CHRDL1: variants seen among roughly 807,000 people sequenced by gnomAD.
CHRDL1 encodes the protein chordin like 1, also known as chordin-like protein 1.
A neutral mutation model predicts 40.9 loss-of-function variants in CHRDL1; 19 were observed. The observed-to-expected ratio is 0.46, with a 90% CI of 0.32 to 0.68. CHRDL1 has a LOEUF of 0.68. Ranked by LOEUF, CHRDL1 falls within the 30% of genes least tolerant of loss-of-function variation. The pLI is 0.03. For synonymous variants in CHRDL1, 136 were observed against 123.4 expected, an observed-to-expected ratio of 1.10 and a Z score of -0.68; for missense variants, 329 against 352.1, an observed-to-expected ratio of 0.93 and a Z score of 0.53.
intron 7 of CHRDL1, among the ~76,000 whole-genome samples, chrX:110,695,933 A>G (rs149599477): frequency 1.8e-5 from 2 of 112,261 alleles, no homozygotes; most frequent in Non-Finnish European, 3.8e-5. Flanking sequence ...ACAAATAAAA[A>G]TTTGCATCAG....
intron 11 of CHRDL1, among the ~76,000 whole-genome samples, chrX:110,677,488 C>T (rs187415460): frequency 2.3e-3 from 252 of 111,538 alleles, no homozygotes; most frequent in African/African-American, 7.5e-3. Flanking sequence ...TTATATACCC[C>T]AAATCCTGCC....
intron 6 of CHRDL1, among the ~76,000 whole-genome samples, chrX:110,705,539 T>C (rs1482957984): frequency 9.7e-6 from 1 of 103,522 alleles, no homozygotes; most frequent in East Asian, 3.0e-4. Context: ...CTGTATGTTA[T>C]ATATATCATA....
Position 110,775,553 on chromosome X carries a change from T to C in CHRDL1, c.95-12746A>G, listed in dbSNP as rs749069409. ...TTTATATGTATCTCATAACATCATG[T>C]TGTATACCTTAAATGTACACAATAG... is the stretch of plus-strand genomic sequence containing the variant. On this transcript the variant is annotated intron_variant, in intron 2 of 11. Coordinates refer to ENST00000372042, the MANE Select transcript of CHRDL1 (RefSeq NM_001143981.2). 4.5e-5 allele frequency among the ~76,000 whole-genome samples: 5 copies of C among 111,686 alleles called. No individual in the cohort carries two copies. In the South Asian group the frequency reaches 1.9e-3, roughly 42 times the overall value.
At chrX:110,703,319 G>A (rs747220548) in intron 6 of CHRDL1, among the ~76,000 whole-genome samples, 6 of 111,746 alleles carry the variant, frequency 5.4e-5, no homozygotes, top group Non-Finnish European at 9.4e-5. Flanking sequence ...GAATTGAACT[G>A]CAGTAAAACA....
chrX:110,707,741 C>T (rs895793584), intron 6 of CHRDL1, among the ~76,000 whole-genome samples: 3 of 111,881 alleles, frequency 2.7e-5, no homozygotes, highest in African/African-American at 9.8e-5. Context: ...TGGGCAAAGA[C>T]TCCATGACTA....
At chrX:110,710,483 T>C (rs1450181657) in intron 6 of CHRDL1, among the ~76,000 whole-genome samples, 7 of 112,446 alleles carry the variant, frequency 6.2e-5, no homozygotes, top group Non-Finnish European at 1.3e-4. Flanking sequence ...TTACTGACCC[T>C]GACAGGACAA....
At chrX:110,692,799 C>A (rs1204932307) in intron 8 of CHRDL1, among the ~76,000 whole-genome samples, 1 of 111,842 alleles carries the variant, frequency 8.9e-6, no homozygotes, top group East Asian at 2.8e-4. Context: ...ATTTCAAAAG[C>A]AATTTAATTT....
chrX:110,787,356 T>C (rs1408630758), intron 2 of CHRDL1, among the ~76,000 whole-genome samples: 1 of 111,795 alleles, frequency 8.9e-6, no homozygotes, highest in East Asian at 2.8e-4. Flanking sequence ...GGATCTAGGC[T>C]AACTACAGAG....
intron 4 of CHRDL1, among the ~76,000 whole-genome samples, chrX:110,731,493 T>C (rs758112190): frequency 3.6e-5 from 4 of 111,505 alleles, no homozygotes; most frequent in East Asian, 5.7e-4. Context: ...CTCCCAGGTA[T>C]ATACACAAAA....
At chrX:110,791,081 G>C (rs925382115) in intron 2 of CHRDL1, among the ~76,000 whole-genome samples, 8 of 110,417 alleles carry the variant, frequency 7.2e-5, no homozygotes. Context: ...CCTTCTGCCT[G>C]ATCTATTTAA....
chrX:110,722,787 A>G (rs1468181554), intron 4 of CHRDL1, among the ~76,000 whole-genome samples: 1 of 111,795 alleles, frequency 8.9e-6, no homozygotes, highest in African/African-American at 3.3e-5. Context: ...CAGAGCTTGG[A>G]AAGTGCCTGC....
chrX:110,755,521 G>A (rs1033114495), intron 4 of CHRDL1, among the ~76,000 whole-genome samples: 7 of 111,472 alleles, frequency 6.3e-5, no homozygotes, highest in Non-Finnish European at 1.3e-4. Context: ...CTCCTTCAAT[G>A]GAAACTAAGC....
intron 2 of CHRDL1, among the ~76,000 whole-genome samples, chrX:110,777,449 T>C (rs1228657440): frequency 8.9e-6 from 1 of 111,891 alleles, no homozygotes; most frequent in Non-Finnish European, 1.9e-5. Context: ...GGCTGTACCA[T>C]TTTGCATTCT....
intron 4 of CHRDL1, among the ~76,000 whole-genome samples, chrX:110,755,639 T>TATA (rs2089440465): frequency 8.9e-6 from 1 of 112,055 alleles, no homozygotes; most frequent in East Asian, 2.8e-4. Context: ...GTATCTGGGG[T>TATA]ATACAGTTTG....
At chrX:110,747,809 A>G (rs2089286223) in intron 4 of CHRDL1, among the ~76,000 whole-genome samples, 1 of 111,982 alleles carries the variant, frequency 8.9e-6, no homozygotes, top group Non-Finnish European at 1.9e-5. Flanking sequence ...TTCACTTTCC[A>G]TTGTAGTTTT....
intron 4 of CHRDL1, among the ~76,000 whole-genome samples, chrX:110,722,005 T>G (rs1439586245): frequency 8.9e-6 from 1 of 111,858 alleles, no homozygotes; most frequent in Admixed American, 9.4e-5. Flanking sequence ...CCCTCCCACA[T>G]TTATTTATTT....
At chrX:110,705,660 A>T (rs979862855) in intron 6 of CHRDL1, among the ~76,000 whole-genome samples, 7 of 106,442 alleles carry the variant, frequency 6.6e-5, no homozygotes, top group Non-Finnish European at 1.4e-4. Flanking sequence ...TGGATTAGAG[A>T]TGCTCAACTG....
chrX:110,769,394 T>C (rs1041421579), intron 2 of CHRDL1, among the ~76,000 whole-genome samples: 14 of 112,424 alleles, frequency 1.2e-4, no homozygotes, highest in African/African-American at 4.5e-4. Context: ...AGAGAAGATA[T>C]TGTGAACAAA....
At chrX:110,784,542 G>C (rs910785030) in intron 2 of CHRDL1, among the ~76,000 whole-genome samples, 4 of 109,037 alleles carry the variant, frequency 3.7e-5, no homozygotes, top group Non-Finnish European at 7.6e-5. Flanking sequence ...CTCCCGAGTA[G>C]CTGAGATTAC....
Sources: gnomAD v4.1 joint callset for allele counts (sites outside exome capture counted in the v4.1 genomes callset) on GRCh38, gnomAD v4.1.1 for gene constraint, MANE v1.5 for transcripts, NCBI Gene and HGNC (gene_info 2026-07-23, HGNC 2026-07-21) for gene names.